The following GRID2 variants were observed in gnomAD, a reference collection of about 807,000 sequenced individuals.
GRID2 encodes glutamate receptor ionotropic, delta-2.
A neutral mutation model predicts 114.8 loss-of-function variants in GRID2; 33 were observed. That is an observed-to-expected ratio of 0.29 (90% CI 0.22 to 0.38). GRID2 has a LOEUF of 0.38. GRID2 is among the 10% of genes least tolerant of loss of function. The pLI, the probability that GRID2 is intolerant of heterozygous loss-of-function variation, is 1.00. For synonymous variants in GRID2, 505 were observed against 449.9 expected, an observed-to-expected ratio of 1.12 and a Z score of -1.55; for missense variants, 1,184 against 1,257.7, an observed-to-expected ratio of 0.94 and a Z score of 0.89.
Position 92,943,875 on chromosome 4 carries a change from C to T in GRID2, c.245-141120C>T, listed in dbSNP as rs185529310. Among the ~76,000 whole-genome samples, 176 of 152,274 alleles carry T rather than the reference C, an allele frequency of 1.2e-3. 1 individual carries two copies. Among genetic ancestry groups the T allele is most frequent in the African/African-American group, 3.5e-3 (146 of 41,560 alleles). On this transcript the variant is annotated intron_variant, in intron 2 of 15. Transcript: ENST00000282020. The stretch of plus-strand genomic sequence containing the variant: ...GCCCTGTTTGCCTGAGTATCAGCAG[C>T]GGAGGCTGCAGAGCAGAACAGCGGC...
intron 4 of GRID2, among the ~76,000 whole-genome samples, chr4:93,152,030 T>G (rs1280613700): frequency 1.3e-5 from 2 of 152,140 alleles, no homozygotes; most frequent in Admixed American, 1.3e-4. Flanking sequence ...TAAAATACTG[T>G]GTATAGATAA....
chr4:92,955,690 C>G (rs1220388014), intron 2 of GRID2, among the ~76,000 whole-genome samples: 2 of 151,986 alleles, frequency 1.3e-5, no homozygotes, highest in Non-Finnish European at 1.5e-5. Context: ...AAGTCCTTGC[C>G]CATGCCTATG....
chr4:92,847,678 T>C (rs1231078997), intron 2 of GRID2, among the ~76,000 whole-genome samples: 1 of 152,082 alleles, frequency 6.6e-6, no homozygotes, highest in East Asian at 1.9e-4. Context: ...TATAATGACA[T>C]ATATTCCATT....
intron 1 of GRID2, among the ~76,000 whole-genome samples, chr4:92,532,360 A>C (rs948254383): frequency 3.3e-5 from 5 of 152,302 alleles, no homozygotes; most frequent in African/African-American, 1.2e-4. Context: ...GAGCTGTAAA[A>C]ATTAAAAGAA....
chr4:93,678,970 GAC>G (rs1260830291), intron 14 of GRID2, among the ~76,000 whole-genome samples: 1 of 151,048 alleles, frequency 6.6e-6, no homozygotes, highest in African/African-American at 2.5e-5. Flanking sequence ...CCAATTAAAA[GAC>G]ACAGACTGGC....
chr4:92,916,676 C>G (rs892465097), intron 2 of GRID2, among the ~76,000 whole-genome samples: 1 of 152,154 alleles, frequency 6.6e-6, no homozygotes, highest in Admixed American at 6.6e-5. Context: ...CATGTCCCTA[C>G]AAAGGATATG....
At chr4:93,795,939 G>T (rs1252245792) in intron 1 of GRID2, among the ~76,000 whole-genome samples, 1 of 152,166 alleles carries the variant, frequency 6.6e-6, no homozygotes, top group East Asian at 1.9e-4. Context: ...AAGGCTTAAG[G>T]CAAGGTGTTG....
At chr4:92,522,392 C>T (rs759724069) in intron 1 of GRID2, among the ~76,000 whole-genome samples, 2 of 151,920 alleles carry the variant, frequency 1.3e-5, no homozygotes, top group Non-Finnish European at 2.9e-5. Flanking sequence ...ATTGTGACAA[C>T]TTACACATTT....
rs532478133 is a variant in GRID2, at chr4:92,958,156, A to G, written c.245-126839A>G. Among the ~76,000 whole-genome samples the G allele has an allele frequency of 1.4e-3, 214 of 152,084 alleles. 1 individual carries two copies. Among genetic ancestry groups the G allele is most frequent in the Non-Finnish European group, 4.6e-4 (31 of 67,914 alleles). ...GTATACCTTTATTTCTCTTTGTATA[A>G]TTGTGCTAGGACTTTCAGTAAAATC... On this transcript the variant is annotated intron_variant, in intron 2 of 15. Coordinates refer to ENST00000282020, the MANE Select transcript of GRID2 (RefSeq NM_001510.4).
chr4:92,383,424 A>G (rs1729713148), intron 1 of GRID2, among the ~76,000 whole-genome samples: 1 of 152,044 alleles, frequency 6.6e-6, no homozygotes, highest in African/African-American at 2.4e-5. Context: ...CCTAAGACAG[A>G]AGTTGTTAAT....
chr4:93,131,207 G>T (rs143043763), intron 4 of GRID2, among the ~76,000 whole-genome samples: 1,450 of 138,038 alleles, frequency 0.011, 15 homozygotes, highest in Non-Finnish European at 0.015. Flanking sequence ...AGGCTGGAGT[G>T]CAGTGGCACC....
intron 2 of GRID2, among the ~76,000 whole-genome samples, chr4:92,662,877 T>C (rs1732587602): frequency 6.6e-6 from 1 of 151,170 alleles, no homozygotes; most frequent in Non-Finnish European, 1.5e-5. Context: ...TAATAAAAAG[T>C]ATGTAATTCA....
At chr4:92,779,744 T>A (rs768368139) in intron 2 of GRID2, among the ~76,000 whole-genome samples, 4 of 152,136 alleles carry the variant, frequency 2.6e-5, no homozygotes, top group Non-Finnish European at 5.9e-5. Flanking sequence ...TAATAACATA[T>A]AGTTATATTT....
intron 13 of GRID2, among the ~76,000 whole-genome samples, chr4:93,594,652 C>A (rs1213476679): frequency 9.2e-5 from 14 of 152,324 alleles, no homozygotes; most frequent in Admixed American, 2.0e-4. Flanking sequence ...CCTCCCCCAG[C>A]CTCGCTGCCA....
At chr4:93,416,361 A>G (rs1767707136) in intron 9 of GRID2, among the ~76,000 whole-genome samples, 1 of 152,124 alleles carries the variant, frequency 6.6e-6, no homozygotes, top group Non-Finnish European at 1.5e-5. Flanking sequence ...CACACCATGC[A>G]TAAAGACAAC....
At chr4:92,707,658 T>C (rs554568930) in intron 2 of GRID2, among the ~76,000 whole-genome samples, 141 of 152,316 alleles carry the variant, frequency 9.3e-4, no homozygotes, top group African/African-American at 3.3e-3. Context: ...GATGTAGCTT[T>C]TGAGCTATGC....
intron 14 of GRID2, among the ~76,000 whole-genome samples, chr4:93,637,146 T>A (rs1442710075): frequency 1.3e-5 from 2 of 152,164 alleles, no homozygotes; most frequent in African/African-American, 4.8e-5. Flanking sequence ...CAAAGATGAA[T>A]AGAGTGCTTT....
intron 13 of GRID2, among the ~76,000 whole-genome samples, chr4:93,617,006 T>A (rs886097212): frequency 4.0e-5 from 6 of 150,998 alleles, no homozygotes; most frequent in East Asian, 1.9e-4. Flanking sequence ...AAAAAAAAAA[T>A]TCATAAAAAT....
At chr4:93,472,598 T>C (rs915203352) in intron 11 of GRID2, among the ~76,000 whole-genome samples, 1 of 152,156 alleles carries the variant, frequency 6.6e-6, no homozygotes, top group African/African-American at 2.4e-5. Context: ...ATTTCAAAGT[T>C]TAAGCTGGTA....
Sources: allele counts gnomAD v4.1 joint callset (sites outside exome capture counted in the v4.1 genomes callset), GRCh38; gene constraint gnomAD v4.1.1; transcripts MANE v1.5; gene names NCBI Gene and HGNC (gene_info 2026-07-23, HGNC 2026-07-21).